Variants in CECR2 observed in about 807,000 individuals in gnomAD.
The protein encoded by CECR2 is CECR2 histone acetyl-lysine reader.
In CECR2, 30 loss-of-function variants were observed where a neutral mutation model predicts 154.5. The ratio of observed to expected loss-of-function variants is 0.19; its 90% CI spans 0.15 to 0.26. CECR2 has a LOEUF of 0.26. CECR2 is among the 10% of genes least tolerant of loss of function. CECR2 has a pLI of 1.00. For synonymous variants in CECR2, 725 were observed against 683.7 expected (o/e 1.06, Z -0.94); for missense variants, 1,743 against 1,829.3 (o/e 0.95, Z 0.86).
intron 3 of CECR2, among the ~76,000 whole-genome samples, chr22:17,497,905 C>G (rs1450625178): frequency 2.0e-5 from 3 of 152,168 alleles, no homozygotes; most frequent in African/African-American, 7.2e-5. Context: ...AAACCTGCAA[C>G]TAAATCCGCC....
chr22:17,521,535 AAAAG>A (rs1036947412), intron 8 of CECR2, among the ~76,000 whole-genome samples: 7 of 152,060 alleles, frequency 4.6e-5, no homozygotes, highest in South Asian at 2.1e-4. Context: ...AAAAAAAAAA[AAAAG>A]AGAGAGAGAG....
At position 17,549,567 on chromosome 22, in the gene CECR2, A is replaced by G; in HGVS notation, c.4277+3A>G. On this transcript the variant is annotated splice_donor_region_variant and intron_variant, in intron 17 of 18. Transcript: ENST00000262608. ...CAGGAAATGTACAGACCATCAGGGT[A>G]AGATTGCATTCAGGCTTTTCCCCCT... 1 of 1,566,646 alleles carries G rather than the reference A, an allele frequency of 6.4e-7. No homozygotes were observed. The highest frequency in any genetic ancestry group is 8.7e-7 in the Non-Finnish European group (1 of 1,153,020).
intron 1 of CECR2, among the ~76,000 whole-genome samples, chr22:17,425,853 C>T (rs925734362): frequency 2.0e-5 from 3 of 151,896 alleles, no homozygotes; most frequent in Admixed American, 6.6e-5. Flanking sequence ...GCCATAAAAG[C>T]GATGTTAAAG....
intron 9 of CECR2, among the ~76,000 whole-genome samples, chr22:17,535,633 C>T (rs750948763): frequency 1.0e-4 from 15 of 149,280 alleles, no homozygotes; most frequent in Non-Finnish European, 2.1e-4. Flanking sequence ...GTGATACATG[C>T]GTATTCATTA....
At chr22:17,455,233 A>G (rs1330432101) in intron 1 of CECR2, among the ~76,000 whole-genome samples, 1 of 152,258 alleles carries the variant, frequency 6.6e-6, no homozygotes, top group Non-Finnish European at 1.5e-5. Context: ...AAGTTGTGGG[A>G]GCTAAGAACA....
At chr22:17,364,841 AAAACAAAC>A (rs990495844), upstream of CECR2, among the ~76,000 whole-genome samples, 1 of 152,040 alleles carries the variant, frequency 6.6e-6, no homozygotes, top group Non-Finnish European at 1.5e-5. Flanking sequence ...AACAAAAAAC[AAAACAAAC>A]AAACAAAAAA....
rs756191428 is a variant in CECR2, at chr22:17,542,349, C to T, written c.2206C>T (p.Pro736Ser). 1 of 1,613,800 alleles carries T rather than the reference C, an allele frequency of 6.2e-7. No individual in the cohort carries two copies. The highest frequency in any genetic ancestry group is 8.5e-7 in the Non-Finnish European group (1 of 1,179,828). ...PAQFQPGFIP[P>S]RHGGAPARPP... The stretch of plus-strand genomic sequence containing the variant: ...TCAGTTCCAGCCAGGATTCATTCCT[C>T]CCCGGCATGGGGGGGCTCCAGCCCG... The change falls in exon 16 of 19, where the codon CCC becomes TCC. Residue 736 changes from proline to serine, a missense_variant. By Grantham distance (74) the Pro-to-Ser change is moderately conservative. Transcript: ENST00000262608.
chr22:17,389,163 G>A (rs2055428280), intron 1 of CECR2, among the ~76,000 whole-genome samples: 1 of 152,006 alleles, frequency 6.6e-6, no homozygotes, highest in South Asian at 2.1e-4. Context: ...AACTTAGAAG[G>A]CTGGTACACA....
rs377160585 is a variant in CECR2 at position 17,548,530 on chromosome 22, C to T, written c.3243C>T (p.Cys1081=). 3.7e-6 allele frequency: 6 copies of T among 1,613,598 alleles called. No individual in the cohort carries two copies. The highest frequency in any genetic ancestry group is 5.1e-6 in the Non-Finnish European group (6 of 1,179,804). The change falls in exon 17 of 19, where the codon TGC becomes TGT. Residue 1081 remains cysteine (C), a synonymous_variant. Coordinates refer to ENST00000262608, the MANE Select transcript of CECR2 (RefSeq NM_001290047.2). ...GCAGTGGTTCCGAAAAGCTGCTCTG[C>T]CCCAGAGGCAGAACGTTGCAGGAAA... The part of the protein sequence containing the change: ...LGSSGSEKLL[C]PRGRTLQETM...
At chr22:17,408,041 TAAACTG>T (rs2054011510) in intron 1 of CECR2, among the ~76,000 whole-genome samples, 1 of 152,230 alleles carries the variant, frequency 6.6e-6, no homozygotes, top group African/African-American at 2.4e-5. Flanking sequence ...GTTCATTTGT[TAAACTG>T]AAGCAAAATT....
At chr22:17,370,222 T>G (rs2063038838) in intron 1 of CECR2, among the ~76,000 whole-genome samples, 1 of 148,962 alleles carries the variant, frequency 6.7e-6, no homozygotes, top group Non-Finnish European at 1.5e-5. Flanking sequence ...CCGGGACTTC[T>G]CCGGTGGGCT....
intron 1 of CECR2, among the ~76,000 whole-genome samples, chr22:17,429,418 G>C (rs1300173943): frequency 6.6e-6 from 1 of 151,682 alleles, no homozygotes; most frequent in Non-Finnish European, 1.5e-5. Context: ...TCTCACAAGG[G>C]AGACCGGGCG....
chr22:17,393,283 T>G (rs545572701), intron 1 of CECR2, among the ~76,000 whole-genome samples: 2 of 152,290 alleles, frequency 1.3e-5, no homozygotes, highest in Admixed American at 6.5e-5. Context: ...TGTGCCCCTT[T>G]GTGATTGGAT....
intron 9 of CECR2, among the ~76,000 whole-genome samples, chr22:17,530,697 AAC>A (rs1424376388): frequency 4.1e-5 from 6 of 146,548 alleles, no homozygotes; most frequent in African/African-American, 1.4e-4. Flanking sequence ...GAAAAAAAAA[AAC>A]AACAGAAGGC....
chr22:17,388,879 T>A (rs188655120), intron 1 of CECR2, among the ~76,000 whole-genome samples: 243 of 152,248 alleles, frequency 1.6e-3, no homozygotes, highest in African/African-American at 5.7e-3. Context: ...AGTGGCACGA[T>A]CTCAGCTCAC....
intron 2 of CECR2, among the ~76,000 whole-genome samples, chr22:17,484,215 A>G (rs182522763): frequency 4.5e-4 from 68 of 152,302 alleles, no homozygotes; most frequent in African/African-American, 1.6e-3. Flanking sequence ...CTTGCAACAG[A>G]GTCTCACTCT....
At chr22:17,513,947 C>G (rs955658998) in intron 8 of CECR2, among the ~76,000 whole-genome samples, 3 of 152,174 alleles carry the variant, frequency 2.0e-5, no homozygotes, top group African/African-American at 4.8e-5. Context: ...AGTGTTTGAG[C>G]TTTCTTTTAT....
intron 1 of CECR2, among the ~76,000 whole-genome samples, chr22:17,451,171 G>A (rs2146699656): frequency 6.6e-6 from 1 of 152,328 alleles, no homozygotes; most frequent in East Asian, 1.9e-4. Flanking sequence ...GAGTTCAGGT[G>A]GGCCAGGCTT....
chr22:17,550,568 C>T (rs1346654543), intron 17 of CECR2, among the ~76,000 whole-genome samples: 3 of 152,162 alleles, frequency 2.0e-5, no homozygotes, highest in African/African-American at 7.2e-5. Flanking sequence ...TTCTTTCACA[C>T]ATGCTTGTGT....
Sources: gnomAD v4.1 joint callset for allele counts (sites outside exome capture counted in the v4.1 genomes callset) on GRCh38, gnomAD v4.1.1 for gene constraint, MANE v1.5 for transcripts, NCBI Gene and HGNC (gene_info 2026-07-23, HGNC 2026-07-21) for gene names.